Variants in LRRTM4 observed in about 807,000 individuals in gnomAD.
LRRTM4 encodes leucine-rich repeat transmembrane neuronal protein 4.
LRRTM4 carries 25 observed loss-of-function variants against 47.6 expected under a neutral mutation model. That is an observed-to-expected ratio of 0.53 (90% CI 0.38 to 0.73). The LOEUF (loss-of-function observed/expected upper bound fraction) is 0.73. LRRTM4 is among the 30% of genes least tolerant of loss of function. The probability of loss-of-function intolerance (pLI) is 0.00; values close to 1 mark genes in which losing one functional copy is unlikely to be tolerated. For synonymous variants in LRRTM4, 311 were observed against 269.5 expected, an observed-to-expected ratio of 1.15 and a Z score of -1.51; for missense variants, 638 against 713.4, an observed-to-expected ratio of 0.89 and a Z score of 1.20.
At position 77,138,015 on chromosome 2, in the gene LRRTM4, C is replaced by A. The variant is rs552703325; in HGVS notation, c.1551+380303G>T. ...CTACCAACAGACTTAGACTCCCACA[C>A]AATAATAATGGGAGACTTTAACACC... is the stretch of plus-strand genomic sequence containing the variant. On this transcript the variant is annotated intron_variant, in intron 3 of 3. Coordinates refer to ENST00000409884, the MANE Select transcript of LRRTM4 (RefSeq NM_001134745.3). Among the ~76,000 whole-genome samples, 315 of 152,184 alleles carry A rather than the reference C, an allele frequency of 2.1e-3. 2 individuals are homozygous for A. The highest frequency in any genetic ancestry group is 6.8e-3 in the Middle Eastern group (2 of 294).
chr2:77,161,429 G>T (rs1341193136), intron 3 of LRRTM4, among the ~76,000 whole-genome samples: 1 of 152,164 alleles, frequency 6.6e-6, no homozygotes, highest in Non-Finnish European at 1.5e-5. Context: ...GCTTTGAGCA[G>T]TATCTCCCAT....
At chr2:76,793,515 T>G (rs148030207) in intron 3 of LRRTM4, among the ~76,000 whole-genome samples, 201 of 152,240 alleles carry the variant, frequency 1.3e-3, no homozygotes, top group African/African-American at 4.6e-3. Context: ...TTGTGGACAA[T>G]ATCTAGGCAT....
chr2:76,793,240 ATTGTTCC>A (rs1301617051), intron 3 of LRRTM4, among the ~76,000 whole-genome samples: 3 of 152,154 alleles, frequency 2.0e-5, no homozygotes, highest in Non-Finnish European at 2.9e-5. Flanking sequence ...AATATTGTTC[ATTGTTCC>A]TTGACCTTTC....
intron 3 of LRRTM4, among the ~76,000 whole-genome samples, chr2:76,797,112 G>A (rs1002727104): frequency 6.6e-6 from 1 of 151,932 alleles, no homozygotes; most frequent in Non-Finnish European, 1.5e-5. Flanking sequence ...GAAATACAGA[G>A]AATGCCACAA....
intron 3 of LRRTM4, among the ~76,000 whole-genome samples, chr2:77,443,157 CA>C (rs1419437878): frequency 6.6e-6 from 1 of 152,084 alleles, no homozygotes; most frequent in African/African-American, 2.4e-5. Flanking sequence ...AGATGGGTTG[CA>C]AATGTAGGTA....
At chr2:77,451,388 G>A (rs893733222) in intron 3 of LRRTM4, among the ~76,000 whole-genome samples, 1 of 152,134 alleles carries the variant, frequency 6.6e-6, no homozygotes, top group African/African-American at 2.4e-5. Context: ...CTGAGCATCA[G>A]TGCTGTTCTT....
intron 3 of LRRTM4, among the ~76,000 whole-genome samples, chr2:77,448,263 G>A (rs1676128508): frequency 6.6e-6 from 1 of 152,140 alleles, no homozygotes; most frequent in African/African-American, 2.4e-5. Flanking sequence ...GTTCAGCACT[G>A]TGGTTCAACT....
intron 3 of LRRTM4, among the ~76,000 whole-genome samples, chr2:77,119,224 T>C (rs937108541): frequency 3.3e-5 from 5 of 151,884 alleles, no homozygotes; most frequent in Non-Finnish European, 5.9e-5. Flanking sequence ...TCTTCTCTTT[T>C]CTTGAATTTC....
intron 3 of LRRTM4, among the ~76,000 whole-genome samples, chr2:76,778,156 T>G (rs373685911): frequency 1.2e-3 from 159 of 131,854 alleles, no homozygotes; most frequent in Middle Eastern, 3.8e-3. Context: ...GCTGGATTCG[T>G]TTTGCCAGTA....
At chr2:77,225,248 G>GAT (rs1198313169) in intron 3 of LRRTM4, among the ~76,000 whole-genome samples, 2 of 150,282 alleles carry the variant, frequency 1.3e-5, no homozygotes, top group Non-Finnish European at 3.0e-5. Flanking sequence ...AGCATTAGGA[G>GAT]ATATACCTAA....
chr2:77,466,318 A>G (rs1427787682), intron 3 of LRRTM4, among the ~76,000 whole-genome samples: 1 of 152,176 alleles, frequency 6.6e-6, no homozygotes, highest in Non-Finnish European at 1.5e-5. Flanking sequence ...AATTAAATCG[A>G]TCTTGGTTAC....
Position 76,800,612 on chromosome 2 carries a change from T to C in LRRTM4, c.1552-51696A>G, listed in dbSNP as rs1322202109. Among the ~76,000 whole-genome samples, 23 of 138,516 alleles carry C rather than the reference T, an allele frequency of 1.7e-4. No homozygotes were observed. In the Admixed American group the frequency reaches 1.7e-3, roughly 10 times the overall value. 90.9% of individuals were successfully genotyped at this position (138,516 alleles called of 152,430 possible). A position where few individuals can be genotyped will look rare whatever the true frequency, so the allele number is the denominator to read the frequency against. Reference sequence around the variant, plus strand: ...GCCAAAATTGACAAATGGGATCTAATTAAACTAAAGAGCTTCTGCACAGCA... The same window carrying C: ...GCCAAAATTGACAAATGGGATCTAACTAAACTAAAGAGCTTCTGCACAGCA... On this transcript the variant is annotated intron_variant, in intron 3 of 3. Transcript: ENST00000409884.
chr2:76,917,129 A>G (rs1674279499), intron 3 of LRRTM4, among the ~76,000 whole-genome samples: 1 of 152,182 alleles, frequency 6.6e-6, no homozygotes, highest in Non-Finnish European at 1.5e-5. Context: ...TGAATTGTAT[A>G]GTCTTTGTTG....
chr2:77,377,043 TATA>T (rs1419550577), intron 3 of LRRTM4, among the ~76,000 whole-genome samples: 3 of 152,130 alleles, frequency 2.0e-5, no homozygotes, highest in African/African-American at 4.8e-5. Flanking sequence ...TGAGTGATGA[TATA>T]ATATCATGTT....
chr2:77,005,982 A>C (rs1677629333), intron 3 of LRRTM4, among the ~76,000 whole-genome samples: 1 of 152,226 alleles, frequency 6.6e-6, no homozygotes, highest in Non-Finnish European at 1.5e-5. Flanking sequence ...TAAGGTTCAT[A>C]ATCACATAGC....
At chr2:76,951,167 T>C (rs1226102840) in intron 3 of LRRTM4, among the ~76,000 whole-genome samples, 2 of 152,104 alleles carry the variant, frequency 1.3e-5, no homozygotes, top group African/African-American at 4.8e-5. Flanking sequence ...TTCTAAATTT[T>C]AAAAGTAAAC....
intron 3 of LRRTM4, among the ~76,000 whole-genome samples, chr2:77,177,280 C>A (rs1049173524): frequency 1.3e-5 from 2 of 152,128 alleles, no homozygotes; most frequent in Non-Finnish European, 2.9e-5. Context: ...TTGGGGTTCA[C>A]CCTGTGACAC....
In LRRTM4 at chr2:76,748,691, A is replaced by G. The variant is rs1672733159; in HGVS notation, c.*4T>C. 6 of 1,607,284 alleles carry G rather than the reference A, an allele frequency of 3.7e-6. No homozygotes were observed. In the East Asian group the frequency reaches 1.1e-4, roughly 30 times the overall value. ...AGCTCCCCAGTGAGGAGTTGGCTTC[A>G]GCGTTAGTTTGCAATTCTCTCTAGG... On this transcript the variant is annotated 3_prime_UTR_variant, in exon 4 of 4. Coordinates refer to ENST00000409884, the MANE Select transcript of LRRTM4 (RefSeq NM_001134745.3).
intron 3 of LRRTM4, among the ~76,000 whole-genome samples, chr2:77,212,397 G>T: frequency 6.8e-6 from 1 of 148,120 alleles, no homozygotes; most frequent in Non-Finnish European, 1.5e-5. Flanking sequence ...TATGAATTTT[G>T]TTTCAAGGTC....
Sources: allele counts gnomAD v4.1 joint callset (sites outside exome capture counted in the v4.1 genomes callset), GRCh38; gene constraint gnomAD v4.1.1; transcripts MANE v1.5; gene names NCBI Gene and HGNC (gene_info 2026-07-23, HGNC 2026-07-21).